The following SPTB variants were observed in gnomAD, a reference collection of about 807,000 sequenced individuals.
SPTB encodes spectrin beta, erythrocytic, also known as spectrin beta chain, erythrocytic.
SPTB carries 45 observed loss-of-function variants against 256.2 expected under a neutral mutation model. The ratio of observed to expected loss-of-function variants is 0.18; its 90% confidence interval spans 0.14 to 0.23. SPTB has a LOEUF of 0.23. Ranked by LOEUF, SPTB falls within the 10% of genes least tolerant of loss-of-function variation. The pLI is 1.00. For synonymous variants in SPTB, 1,231 were observed against 1,243.1 expected (o/e 0.99, Z 0.21); for missense variants, 2,715 against 3,040.4 (o/e 0.89, Z 2.52).
intron 1 of SPTB, among the ~76,000 whole-genome samples, chr14:64,864,292 T>TA (rs112964300): frequency 0.81 from 120,464 of 149,458 alleles, 49,921 homozygotes; most frequent in Non-Finnish European, 0.91. Flanking sequence ...CTTCATCTCT[T>TA]AAAAAAAAAG....
intron 7 of SPTB, 123 bp from the exon 8 acceptor site, chr14:64,800,991 G>C: frequency 2.6e-6 from 2 of 772,830 alleles, no homozygotes; most frequent in Non-Finnish European, 4.6e-6. Context: ...ACAACCAACA[G>C]AGCAAGAATG....
chr14:64,836,539 G>A (rs2083525953), intron 1 of SPTB, among the ~76,000 whole-genome samples: 1 of 152,046 alleles, frequency 6.6e-6, no homozygotes, highest in South Asian at 2.1e-4. Context: ...GGGGTTTATT[G>A]TCATTTCCCC....
chr14:64,829,812 C>A (rs2083425652), intron 1 of SPTB, among the ~76,000 whole-genome samples: 1 of 152,176 alleles, frequency 6.6e-6, no homozygotes, highest in African/African-American at 2.4e-5. Context: ...AAGTCAACCC[C>A]TTCCCATGGT....
rs1795047059 is a variant in SPTB at position 64,760,219 on chromosome 14, G to A, written c.6346-6426C>T. Among the ~76,000 whole-genome samples, 1 of 152,028 alleles carries A rather than the reference G, an allele frequency of 6.6e-6. No individual in the cohort carries two copies. Among genetic ancestry groups the A allele is most frequent in the Non-Finnish European group, 1.5e-5 (1 of 68,016 alleles). On this transcript the variant is annotated intron_variant, in intron 32 of 35. Coordinates refer to ENST00000644917, the MANE Select transcript of SPTB (RefSeq NM_001355436.2). This position sits in a 1 kb window ranked among gnomAD's most constrained non-coding sequence, Gnocchi z 4.3. ...GCTTGACTTTTTAGGGTCCTGCCTT[G>A]CTAGGAAACTGGCTTGGGTGGGGGA...
rs2083192585 is a variant in SPTB, at chr14:64,816,482, C to G, written c.148+6465G>C. On this transcript the variant is annotated intron_variant, in intron 2 of 35. Coordinates refer to ENST00000644917, the MANE Select transcript of SPTB (RefSeq NM_001355436.2). The surrounding 1 kb of genome is among the most constrained non-coding windows in gnomAD (Gnocchi z 4.2). ...CACTCTGACTCAAACATGCTTATCC[C>G]CTGAACTGAGAGCTGCAGTTTATGT... Among the ~76,000 whole-genome samples the G allele has an allele frequency of 6.6e-6, 1 of 152,186 alleles. No individual in the cohort carries two copies. Among genetic ancestry groups the G allele is most frequent in the Non-Finnish European group, 1.5e-5 (1 of 68,040 alleles).
Position 64,749,698 on chromosome 14 carries a change from TAGG to T in SPTB, c.6777-5_6777-3del, listed in dbSNP as rs1264379031. 1.9e-6 allele frequency: 3 copies of T among 1,613,598 alleles called. No homozygotes were observed. The highest frequency in any genetic ancestry group is 2.5e-6 in the Non-Finnish European group (3 of 1,179,898). ...AGCCACTCGCTGCCATTACTCAGCC[TAGG>T]AGGACAAAGGGTTTCCTGTCATGGA... On this transcript the variant is annotated splice_polypyrimidine_tract_variant and splice_region_variant and intron_variant, in intron 34 of 35. Coordinates refer to ENST00000644917, the MANE Select transcript of SPTB (RefSeq NM_001355436.2). This position sits in a 1 kb window ranked among gnomAD's most constrained non-coding sequence, Gnocchi z 4.7.
chr14:64,752,242 C>G, intron 33 of SPTB: 2 of 1,348,028 alleles, frequency 1.5e-6, no homozygotes, highest in Admixed American at 1.9e-5. Flanking sequence ...ATTTCTACAG[C>G]AACAGACTCT....
chr14:64,863,323 A>G lies in SPTB; in HGVS notation c.-52+16469T>C, dbSNP rs556966991. On this transcript the variant is annotated intron_variant, in intron 1 of 35. Transcript: ENST00000644917. The stretch of plus-strand genomic sequence containing the variant: ...GATGAGCGAAAAAAAAAATTGCAAA[A>G]GATTCTCATAACGTTTTTTAAAAGT... 2.0e-5 allele frequency among the ~76,000 whole-genome samples: 3 copies of G among 152,330 alleles called. No individual in the cohort carries two copies. In the East Asian group the frequency reaches 5.8e-4, roughly 29 times the overall value.
chr14:64,832,629 G>A (rs866323997), intron 1 of SPTB, among the ~76,000 whole-genome samples: 1 of 152,084 alleles, frequency 6.6e-6, no homozygotes, highest in South Asian at 2.1e-4. Context: ...AGGCCCACAA[G>A]CCCCTCATGT....
At chr14:64,797,603 CAACATGTGGATTAATAACATCA>C in intron 10 of SPTB, 104 bp downstream of exon 10, 1 of 792,232 alleles carries the variant, frequency 1.3e-6, no homozygotes, top group East Asian at 2.9e-5. Flanking sequence ...CCCAAATAGT[CAACATGTGGATTAATAACATCA>C]AAGAAAGTGG....
At chr14:64,765,814 GTGTGTGAGTGT>G (rs2082162102) in intron 32 of SPTB, among the ~76,000 whole-genome samples, 18 of 148,078 alleles carry the variant, frequency 1.2e-4, no homozygotes, top group African/African-American at 2.8e-4. Context: ...GGGTGTGTGT[GTGTGTGAGTGT>G]GTGTGTGTGT....
At chr14:64,868,306 T>C (rs1316305350) in intron 1 of SPTB, among the ~76,000 whole-genome samples, 1 of 150,918 alleles carries the variant, frequency 6.6e-6, no homozygotes, top group African/African-American at 2.4e-5. Context: ...GCCAAGTAGA[T>C]GTGGAAGTAT....
intron 1 of SPTB, among the ~76,000 whole-genome samples, chr14:64,871,334 G>C (rs751325783): frequency 6.6e-6 from 1 of 152,218 alleles, no homozygotes; most frequent in South Asian, 2.1e-4. Context: ...AGTTTAAGTA[G>C]AGGGTTTGTG....
At chr14:64,871,554 G>A (rs1475664106) in intron 1 of SPTB, among the ~76,000 whole-genome samples, 1 of 152,226 alleles carries the variant, frequency 6.6e-6, no homozygotes, top group South Asian at 2.1e-4. Flanking sequence ...GTGGACTCCA[G>A]GTCGCTTAAC....
rs1399198317 is a variant in SPTB at position 64,797,816 on chromosome 14, T to C, written c.1095A>G (p.Leu365=). Residue 365 remains leucine (L), a synonymous_variant, in exon 10 of 36, where the codon CTA becomes CTG. Coordinates refer to ENST00000644917, the MANE Select transcript of SPTB (RefSeq NM_001355436.2). The part of the protein sequence containing the change: ...KFQEKGNLEV[L]LFTIQSRMRA... ...TCATCCGGGACTGGATGGTAAAAAG[T>C]AGAACTTCCAGATTCCCCTTCTCTT... The C allele has an allele frequency of 1.2e-6, 2 of 1,613,998 alleles. No individual in the cohort carries two copies. Among genetic ancestry groups the C allele is most frequent in the Admixed American group, 3.3e-5 (2 of 60,004 alleles).
intron 1 of SPTB, among the ~76,000 whole-genome samples, chr14:64,867,536 G>A (rs1323298099): frequency 2.0e-5 from 3 of 152,126 alleles, no homozygotes; most frequent in Non-Finnish European, 2.9e-5. Context: ...AGCTGATGGG[G>A]GTCTTAAGGC....
rs200564163 is a variant in SPTB at position 64,821,578 on chromosome 14, C to T, written c.148+1369G>A. 5.3e-3 allele frequency among the ~76,000 whole-genome samples: 597 copies of T among 113,032 alleles called. 4 individuals are homozygous for T. Among genetic ancestry groups the T allele is most frequent in the African/African-American group, 0.015 (387 of 25,462 alleles). The allele number at this position is 113,032 out of a possible 152,430, so 74.2% of individuals were successfully genotyped here. The stretch of plus-strand genomic sequence containing the variant: ...ATATAAGAAGGTAAAACCAGACTGA[C>T]GACAAAGCCAATGGTTCCAAGTTTG... On this transcript the variant is annotated intron_variant, in intron 2 of 35. Coordinates refer to ENST00000644917, the MANE Select transcript of SPTB (RefSeq NM_001355436.2).
intron 27 of SPTB, among the ~76,000 whole-genome samples, chr14:64,770,031 G>A (rs2082254365): frequency 6.6e-6 from 1 of 152,200 alleles, no homozygotes; most frequent in Non-Finnish European, 1.5e-5. Context: ...CAACAGGGAT[G>A]CATCTTGAAA....
chr14:64,805,169 T>A (rs2082959838), intron 2 of SPTB, 79 bp from the exon 3 acceptor site: 2 of 1,538,612 alleles, frequency 1.3e-6, no homozygotes, highest in African/African-American at 1.4e-5. Context: ...GGTTTTACCT[T>A]AAGCCCAGGG....
Sources: gnomAD v4.1 joint callset for allele counts (sites outside exome capture counted in the v4.1 genomes callset) on GRCh38, gnomAD v4.1.1 for gene constraint, Gnocchi (gnomAD v3.1) non-coding constraint, MANE v1.5 for transcripts, NCBI Gene and HGNC (gene_info 2026-07-23, HGNC 2026-07-21) for gene names.